Variants in LRRTM4 observed in about 807,000 individuals in gnomAD.
LRRTM4 encodes leucine rich repeat transmembrane neuronal 4.
Under a neutral mutation model 47.6 loss-of-function variants are expected in LRRTM4, and 25 were observed. The observed-to-expected ratio is 0.53, with a 90% CI of 0.38 to 0.73. The LOEUF (loss-of-function observed/expected upper bound fraction) is 0.73. LRRTM4 is among the 30% of genes least tolerant of loss of function. The pLI is 0.00. For synonymous variants in LRRTM4, 311 were observed against 269.5 expected, an observed-to-expected ratio of 1.15 and a Z score of -1.51; for missense variants, 638 against 713.4, an observed-to-expected ratio of 0.89 and a Z score of 1.20.
At chr2:77,489,147 G>T (rs1419974630) in intron 3 of LRRTM4, among the ~76,000 whole-genome samples, 1 of 151,692 alleles carries the variant, frequency 6.6e-6, no homozygotes, top group Non-Finnish European at 1.5e-5. Context: ...TATATATCTT[G>T]ATTTTTCAGT....
intron 3 of LRRTM4, among the ~76,000 whole-genome samples, chr2:76,890,666 AAAAT>A (rs1673222426): frequency 6.6e-6 from 1 of 152,030 alleles, no homozygotes; most frequent in Non-Finnish European, 1.5e-5. Context: ...ATGTTTCTCT[AAAAT>A]AATAGCAGCC....
intron 3 of LRRTM4, among the ~76,000 whole-genome samples, chr2:77,319,822 G>C (rs1207073396): frequency 1.3e-5 from 2 of 152,148 alleles, no homozygotes; most frequent in Admixed American, 1.3e-4. Flanking sequence ...TATTAAAGAT[G>C]TGTTATTTTT....
chr2:77,509,669 A>G (rs1039970735), intron 3 of LRRTM4, among the ~76,000 whole-genome samples: 1 of 152,190 alleles, frequency 6.6e-6, no homozygotes, highest in African/African-American at 2.4e-5. Context: ...ATGGTTAATA[A>G]TCATTCATAT....
Position 77,518,332 on chromosome 2 carries a change from A to G in LRRTM4, c.1537T>C (p.Ser513Pro). 6.2e-7 allele frequency: 1 copy of G among 1,607,184 alleles called. No individual in the cohort carries two copies. The highest frequency in any genetic ancestry group is 8.5e-7 in the Non-Finnish European group (1 of 1,176,640). ...SGPCTYTISG[S>P]RECEMPHHMK... ...ATGGTTCATACCTCACATTCCCTGGAGCCAGAGATGGTATATGTGCAGGGC... is the reference window on the plus strand; with the variant it reads ...ATGGTTCATACCTCACATTCCCTGGGGCCAGAGATGGTATATGTGCAGGGC... The change falls in exon 3 of 4, where the codon TCC becomes CCC. Residue 513 changes from serine (S) to proline (P), a missense_variant. By Grantham distance (74) the Ser-to-Pro change is moderately conservative (BLOSUM62 -1). Coordinates refer to ENST00000409884, the MANE Select transcript of LRRTM4 (RefSeq NM_001134745.3).
chr2:76,812,776 C>CCCCCCTCCCCTCCCCCCCCCCTT (rs146074054), intron 3 of LRRTM4, among the ~76,000 whole-genome samples: 1 of 85,634 alleles, frequency 1.2e-5, no homozygotes, highest in Non-Finnish European at 2.1e-5. Flanking sequence ...CTCTCCCTCC[C>CCCCCCTCCCCTCCCCCCCCCCTT]CCTCCTCCTC....
chr2:76,792,216 C>A (rs1334201550), intron 3 of LRRTM4, among the ~76,000 whole-genome samples: 2 of 151,968 alleles, frequency 1.3e-5, no homozygotes, highest in Non-Finnish European at 2.9e-5. Flanking sequence ...AATTATGTTT[C>A]AGAATTTAAA....
At chr2:77,005,615 C>CT (rs1677613620) in intron 3 of LRRTM4, among the ~76,000 whole-genome samples, 1 of 152,132 alleles carries the variant, frequency 6.6e-6, no homozygotes, top group Admixed American at 6.6e-5. Context: ...TTTTCTTGTG[C>CT]TTTTGTCATG....
intron 3 of LRRTM4, among the ~76,000 whole-genome samples, chr2:77,089,922 G>A (rs1040967190): frequency 7.9e-5 from 12 of 151,798 alleles, no homozygotes; most frequent in East Asian, 3.9e-4. Context: ...CCTAGTCTCT[G>A]TGCCCAGTGC....
rs375981031 is a variant in LRRTM4, at chr2:77,343,864, A to G, written c.1551+174454T>C. On this transcript the variant is annotated intron_variant, in intron 3 of 3. Coordinates refer to ENST00000409884, the MANE Select transcript of LRRTM4 (RefSeq NM_001134745.3). The stretch of plus-strand genomic sequence containing the variant: ...TTCTCTGAAGAAAAATTAAGCTGCT[A>G]TCTAAAAACAAAGAAAAAGCTACAC... 5.1e-4 allele frequency among the ~76,000 whole-genome samples: 77 copies of G among 152,020 alleles called. 1 individual carries two copies. In the South Asian group the frequency reaches 0.016, roughly 31 times the overall value.
intron 3 of LRRTM4, among the ~76,000 whole-genome samples, chr2:77,385,307 C>A (rs1673218210): frequency 6.6e-6 from 1 of 152,108 alleles, no homozygotes; most frequent in Non-Finnish European, 1.5e-5. Context: ...GTCCTTAGGG[C>A]TCAGCCAACA....
intron 3 of LRRTM4, among the ~76,000 whole-genome samples, chr2:77,062,322 G>T (rs1041719000): frequency 5.3e-5 from 8 of 152,094 alleles, no homozygotes; most frequent in Non-Finnish European, 7.4e-5. Flanking sequence ...ATATGTCAGG[G>T]AGAAAAGCAG....
At chr2:76,758,197 T>G (rs573386261) in intron 3 of LRRTM4, among the ~76,000 whole-genome samples, 18 of 152,294 alleles carry the variant, frequency 1.2e-4, no homozygotes, top group Non-Finnish European at 2.5e-4. Context: ...GAACATATAT[T>G]CACTTCGTGA....
intron 3 of LRRTM4, among the ~76,000 whole-genome samples, chr2:76,870,629 C>G (rs1573235775): frequency 6.6e-6 from 1 of 152,084 alleles, no homozygotes; most frequent in Non-Finnish European, 1.5e-5. Flanking sequence ...AATATCTCTA[C>G]AGCTTTCATT....
chr2:77,500,219 G>C (rs908474049), intron 3 of LRRTM4, among the ~76,000 whole-genome samples: 1 of 151,732 alleles, frequency 6.6e-6, no homozygotes, highest in Non-Finnish European at 1.5e-5. Context: ...AATTATTGTG[G>C]AGGTGAGAGA....
chr2:76,800,778 CA>C (rs1558662591), intron 3 of LRRTM4, among the ~76,000 whole-genome samples: 1 of 140,694 alleles, frequency 7.1e-6, no homozygotes, highest in Non-Finnish European at 1.5e-5. Context: ...ACAACCCCAT[CA>C]AAAAGTGGGC....
intron 3 of LRRTM4, among the ~76,000 whole-genome samples, chr2:76,965,747 T>C (rs1573377806): frequency 1.3e-5 from 2 of 151,394 alleles, no homozygotes; most frequent in African/African-American, 4.8e-5. Context: ...AAATACACAG[T>C]ACTTGAAAAC....
At chr2:76,860,359 AATG>A (rs1231936794) in intron 3 of LRRTM4, among the ~76,000 whole-genome samples, 2 of 152,186 alleles carry the variant, frequency 1.3e-5, no homozygotes. Context: ...AAGAGTCAAT[AATG>A]ATGACAAATT....
intron 3 of LRRTM4, among the ~76,000 whole-genome samples, chr2:76,999,510 C>A (rs972108498): frequency 6.6e-6 from 1 of 151,676 alleles, no homozygotes; most frequent in Non-Finnish European, 1.5e-5. Flanking sequence ...TAAACAGTTT[C>A]TCTCAATTTT....
intron 3 of LRRTM4, among the ~76,000 whole-genome samples, chr2:76,781,761 C>T (rs1674408567): frequency 6.6e-6 from 1 of 151,776 alleles, no homozygotes; most frequent in African/African-American, 2.4e-5. Flanking sequence ...TTCCTATTCT[C>T]ATTTCTCTTA....
Sources: allele counts gnomAD v4.1 joint callset (sites outside exome capture counted in the v4.1 genomes callset), GRCh38; gene constraint gnomAD v4.1.1; transcripts MANE v1.5; gene names NCBI Gene and HGNC (gene_info 2026-07-23, HGNC 2026-07-21).